TMEM132D: variants seen among roughly 807,000 people sequenced by gnomAD.
The protein encoded by TMEM132D is mature OL transmembrane protein.
In TMEM132D, 21 loss-of-function variants were observed where a neutral mutation model predicts 62.3. The ratio of observed to expected loss-of-function variants is 0.34; its 90% CI spans 0.24 to 0.49. The LOEUF (loss-of-function observed/expected upper bound fraction) is 0.49, where lower values mean the gene tolerates loss of function less well. Ranked by LOEUF, TMEM132D falls within the 20% of genes least tolerant of loss-of-function variation. The pLI is 0.99. For synonymous variants in TMEM132D, 621 were observed against 575.6 expected (o/e 1.08, Z -1.13); for missense variants, 1,346 against 1,402.8 (o/e 0.96, Z 0.65).
chr12:129,849,272 C>T (rs1258809296), intron 1 of TMEM132D, among the ~76,000 whole-genome samples: 1 of 152,136 alleles, frequency 6.6e-6, no homozygotes, highest in African/African-American at 2.4e-5. Context: ...TATAAATACG[C>T]TGCTTTTTAA....
At chr12:129,258,313 A>G (rs890108961) in intron 4 of TMEM132D, among the ~76,000 whole-genome samples, 1 of 152,062 alleles carries the variant, frequency 6.6e-6, no homozygotes, top group African/African-American at 2.4e-5. Flanking sequence ...AAAGATAATT[A>G]TTATTATTAT....
chr12:129,765,523 G>A (rs6486505), intron 1 of TMEM132D, among the ~76,000 whole-genome samples: 142,999 of 151,004 alleles, frequency 0.95, 67,978 homozygotes, highest in Non-Finnish European at 1. Context: ...CTGATATTGC[G>A]CCATCGCATT....
intron 4 of TMEM132D, among the ~76,000 whole-genome samples, chr12:129,224,250 C>T (rs1879422569): frequency 6.6e-6 from 1 of 152,134 alleles, no homozygotes; most frequent in African/African-American, 2.4e-5. Context: ...TTAGGTTTTG[C>T]CAAGCTCTTC....
intron 1 of TMEM132D, among the ~76,000 whole-genome samples, chr12:129,740,492 T>C (rs1276280068): frequency 6.6e-6 from 1 of 152,180 alleles, no homozygotes; most frequent in African/African-American, 2.4e-5. Flanking sequence ...ATATTATTCT[T>C]CTCTCATGAT....
rs766651128 is a variant in TMEM132D, at chr12:129,531,073, A to G, written c.1101T>C (p.Ala367=). Residue 367 remains alanine (A), a synonymous_variant, in exon 3 of 9, where the codon GCT becomes GCC. Transcript: ENST00000422113. Reference sequence around the variant, plus strand: ...TTGGGACTCACCTGTTTTCTGAGCCAGCTGCTTTCTTCTGACAAACGATGA... The same window carrying G: ...TTGGGACTCACCTGTTTTCTGAGCCGGCTGCTTTCTTCTGACAAACGATGA... ...PAVIVCQKKA[A]GSENSADGAS... is the part of the protein sequence containing the mutation. The G allele has an allele frequency of 6.2e-7, 1 of 1,612,892 alleles. No homozygotes were observed. The highest frequency in any genetic ancestry group is 8.5e-7 in the Non-Finnish European group (1 of 1,179,254).
chr12:129,074,579 T>C lies in TMEM132D; in HGVS notation c.2596A>G (p.Lys866Glu), dbSNP rs1175203118. 1 of 1,613,866 alleles carries C rather than the reference T, an allele frequency of 6.2e-7. No individual in the cohort carries two copies. The highest frequency in any genetic ancestry group is 8.5e-7 in the Non-Finnish European group (1 of 1,179,870). ...TTDRSILQKK[K>E]GQESLLDDNS... ...TCATCTAAAAGGCTTTCCTGGCCTT[T>C]CTTCTTCTGCAGGATGGACCTGTCT... Residue 866 changes from lysine (K) to glutamate (E), a missense_variant, in exon 9 of 9, where the codon AAA becomes GAA. Lys to Glu is a moderately conservative substitution (Grantham distance 56, BLOSUM62 1). Coordinates refer to ENST00000422113, the MANE Select transcript of TMEM132D (RefSeq NM_133448.3).
At chr12:129,514,523 T>C (rs1365696461) in intron 3 of TMEM132D, among the ~76,000 whole-genome samples, 1 of 152,186 alleles carries the variant, frequency 6.6e-6, no homozygotes, top group Non-Finnish European at 1.5e-5. Context: ...ATCAATAGTA[T>C]GTGCACCCAT....
intron 4 of TMEM132D, among the ~76,000 whole-genome samples, chr12:129,280,730 ATCTT>A (rs1360933565): frequency 6.6e-6 from 1 of 152,114 alleles, no homozygotes; most frequent in African/African-American, 2.4e-5. Context: ...TCTGTCATCT[ATCTT>A]CTATCTTAGC....
intron 5 of TMEM132D, among the ~76,000 whole-genome samples, chr12:129,193,351 A>G (rs1488585886): frequency 6.6e-6 from 1 of 151,300 alleles, no homozygotes; most frequent in African/African-American, 2.4e-5. Flanking sequence ...TTTTGTGGTC[A>G]CAGAACTGAA....
At chr12:129,129,235 T>C (rs1370486326) in intron 5 of TMEM132D, among the ~76,000 whole-genome samples, 1 of 151,626 alleles carries the variant, frequency 6.6e-6, no homozygotes, top group Non-Finnish European at 1.5e-5. Context: ...AGTGAGAACA[T>C]GAAATATTTG....
chr12:129,343,616 A>C (rs1237916159), intron 3 of TMEM132D, among the ~76,000 whole-genome samples: 3 of 152,150 alleles, frequency 2.0e-5, no homozygotes, highest in Non-Finnish European at 4.4e-5. Flanking sequence ...ATTTTGTTTT[A>C]CCGATAATAA....
intron 3 of TMEM132D, among the ~76,000 whole-genome samples, chr12:129,435,198 T>A (rs1257095125): frequency 6.6e-6 from 1 of 152,202 alleles, no homozygotes; most frequent in African/African-American, 2.4e-5. Flanking sequence ...TATAGACCAA[T>A]GTGTTAATCC....
rs1881197232 is a variant in TMEM132D at position 129,282,995 on chromosome 12, T to C, written c.1299+54639A>G. ...TCTGGGTACGACAGGATAAAGAACT[T>C]CTGATTCCCAAGTCTTCTCAGGGGC... On this transcript the variant is annotated intron_variant, in intron 4 of 8. Transcript: ENST00000422113. Among the ~76,000 whole-genome samples, 3 of 152,156 alleles carry C rather than the reference T, an allele frequency of 2.0e-5. No individual in the cohort carries two copies. The South Asian group carries it at 6.2e-4, about 32-fold the overall frequency.
chr12:129,077,503 C>T (rs1293760128), intron 8 of TMEM132D, among the ~76,000 whole-genome samples: 7 of 150,016 alleles, frequency 4.7e-5, no homozygotes, highest in African/African-American at 1.8e-4. Flanking sequence ...TCCCCTATAA[C>T]AGTCCCCTTT....
At chr12:129,552,456 ATC>A (rs899039091) in intron 2 of TMEM132D, among the ~76,000 whole-genome samples, 1 of 152,046 alleles carries the variant, frequency 6.6e-6, no homozygotes, top group African/African-American at 2.4e-5. Context: ...CCTACCTAGC[ATC>A]TGTTTATATT....
chr12:129,391,607 C>T (rs994805668), intron 3 of TMEM132D, among the ~76,000 whole-genome samples: 1 of 152,104 alleles, frequency 6.6e-6, no homozygotes, highest in African/African-American at 2.4e-5. Context: ...ATTTGTTATA[C>T]CCCAGTCCAG....
intron 3 of TMEM132D, among the ~76,000 whole-genome samples, chr12:129,347,529 C>A (rs548670457): frequency 6.6e-6 from 1 of 152,152 alleles, no homozygotes; most frequent in Non-Finnish European, 1.5e-5. Context: ...AAACCAGACT[C>A]CTTCCTTTAT....
chr12:129,807,816 C>T (rs1400138697), intron 1 of TMEM132D, among the ~76,000 whole-genome samples: 1 of 152,180 alleles, frequency 6.6e-6, no homozygotes, highest in African/African-American at 2.4e-5. Flanking sequence ...TCCAGCCACC[C>T]TCCATGATTC....
intron 1 of TMEM132D, among the ~76,000 whole-genome samples, chr12:129,746,195 A>G (rs1562936): frequency 0.66 from 100,813 of 152,154 alleles, 33,626 homozygotes; most frequent in South Asian, 0.74. Context: ...GGAGCACAGT[A>G]AGAGAATTGG....
Sources: gnomAD v4.1 joint callset for allele counts (sites outside exome capture counted in the v4.1 genomes callset) on GRCh38, gnomAD v4.1.1 for gene constraint, MANE v1.5 for transcripts, NCBI Gene and HGNC (gene_info 2026-07-23, HGNC 2026-07-21) for gene names.